Variants in LONP2 observed in about 807,000 individuals in gnomAD.
LONP2 encodes lon peptidase 2, peroxisomal.
In LONP2, 60 loss-of-function variants were observed where a neutral mutation model predicts 85.6. That is an observed-to-expected ratio of 0.70 (90% CI 0.57 to 0.87). The LOEUF (loss-of-function observed/expected upper bound fraction) is 0.87, where lower values mean the gene tolerates loss of function less well. Among genes scored for constraint, LONP2 ranks in the 40% least tolerant of loss-of-function variants. The probability of loss-of-function intolerance (pLI) is 0.00; values close to 1 mark genes in which losing one functional copy is unlikely to be tolerated. For missense variants in LONP2, 860 were observed against 1,063.5 expected, an observed-to-expected ratio of 0.81 and a Z score of 2.66; for synonymous variants, 395 against 389.7, an observed-to-expected ratio of 1.01 and a Z score of -0.16.
intron 11 of LONP2, among the ~76,000 whole-genome samples, chr16:48,307,295 G>A (rs140415274): frequency 1.1e-4 from 17 of 152,274 alleles, no homozygotes; most frequent in African/African-American, 2.4e-4. Flanking sequence ...CTGAATTGCC[G>A]TTTTCCTTTC....
intron 8 of LONP2, among the ~76,000 whole-genome samples, chr16:48,282,365 C>G (rs937540837): frequency 2.0e-5 from 3 of 147,220 alleles, no homozygotes; most frequent in African/African-American, 7.6e-5. Flanking sequence ...GAGCTGAGAT[C>G]GCACCATTGC....
At chr16:48,348,833 T>C (rs967825679) in intron 14 of LONP2, among the ~76,000 whole-genome samples, 2 of 152,108 alleles carry the variant, frequency 1.3e-5, no homozygotes, top group African/African-American at 4.8e-5. Flanking sequence ...GAAAAAAATA[T>C]TAGTGTGGTC....
Position 48,343,094 on chromosome 16 carries a change from G to A in LONP2, c.1939-4413G>A, listed in dbSNP as rs942069797. On this transcript the variant is annotated intron_variant, in intron 12 of 14. Coordinates refer to ENST00000285737, the MANE Select transcript of LONP2 (RefSeq NM_031490.5). ...TTGCCTCTTCAGAGCTCCCCACACT[G>A]GAGTATAACTGCTCCTGTGTCTGAT... Among the ~76,000 whole-genome samples, 4 of 152,280 alleles carry A rather than the reference G, an allele frequency of 2.6e-5. No individual in the cohort carries two copies. The South Asian group carries it at 8.3e-4, about 32-fold the overall frequency.
chr16:48,283,607 G>A (rs1972375932), intron 8 of LONP2, among the ~76,000 whole-genome samples: 1 of 152,124 alleles, frequency 6.6e-6, no homozygotes, highest in African/African-American at 2.4e-5. Context: ...AGTACTTTAA[G>A]CCCACTGTTG....
In LONP2 at chr16:48,261,596, T is replaced by C. The variant is rs373577842; in HGVS notation, c.887+9T>C. 1.4e-5 allele frequency: 21 copies of C among 1,541,498 alleles called. No homozygotes were observed. Among genetic ancestry groups the C allele is most frequent in the Admixed American group, 2.0e-5 (1 of 50,362 alleles). ...GTCAAAGAGATAAAGAGGTAAATTATAAAAGGCATTTGTTCATTATTGTTT... is the reference window on the plus strand; with the variant it reads ...GTCAAAGAGATAAAGAGGTAAATTACAAAAGGCATTTGTTCATTATTGTTT... On this transcript the variant is annotated intron_variant, in intron 5 of 14. Transcript: ENST00000285737.
intron 7 of LONP2, among the ~76,000 whole-genome samples, chr16:48,276,128 C>T (rs1225586272): frequency 1.3e-5 from 2 of 152,168 alleles, no homozygotes; most frequent in East Asian, 1.9e-4. Context: ...TTCTGAGTCT[C>T]GTCTTTCCTG....
chr16:48,295,452 T>A (rs1357746604), intron 8 of LONP2, among the ~76,000 whole-genome samples: 8 of 152,242 alleles, frequency 5.3e-5, no homozygotes, highest in African/African-American at 1.9e-4. Context: ...AGTGAATTTT[T>A]TGCTGTATCA....
In LONP2 at chr16:48,353,414, G is replaced by A. The variant is rs964009319; in HGVS notation, c.*1612G>A. On this transcript the variant is annotated 3_prime_UTR_variant, in exon 15 of 15. Coordinates refer to ENST00000285737, the MANE Select transcript of LONP2 (RefSeq NM_031490.5). ...CAGCTACTTGAGGCTGAGATGGGAG[G>A]ATGAGGGAGGTCGGGGCTGCAGTGA... The A allele has an allele frequency of 2.6e-5, 4 of 151,332 alleles. No individual in the cohort carries two copies. Among genetic ancestry groups the A allele is most frequent in the South Asian group, 2.1e-4 (1 of 4,764 alleles). 9.4% of individuals were successfully genotyped at this position (151,332 alleles called of 1,614,324 possible). A position where few individuals can be genotyped will look rare whatever the true frequency, so the allele number is the denominator to read the frequency against.
chr16:48,304,931 A>C (rs940297316), intron 11 of LONP2, among the ~76,000 whole-genome samples: 2 of 152,202 alleles, frequency 1.3e-5, no homozygotes, highest in African/African-American at 4.8e-5. Context: ...TGATTAAAGA[A>C]CCATAATTTA....
chr16:48,291,588 T>C (rs1567326046), intron 8 of LONP2, among the ~76,000 whole-genome samples: 1 of 152,202 alleles, frequency 6.6e-6, no homozygotes, highest in Admixed American at 6.5e-5. Context: ...GGAATTATAG[T>C]CCTAGGATTG....
At chr16:48,285,141 T>C (rs1972411515) in intron 8 of LONP2, among the ~76,000 whole-genome samples, 1 of 152,194 alleles carries the variant, frequency 6.6e-6, no homozygotes, top group African/African-American at 2.4e-5. Context: ...AATTGTTTGC[T>C]TTCAGCCCTT....
intron 8 of LONP2, among the ~76,000 whole-genome samples, chr16:48,289,213 G>C (rs1271577778): frequency 2.0e-5 from 3 of 152,186 alleles, no homozygotes; most frequent in Admixed American, 1.3e-4. Flanking sequence ...TTTGGCCAAG[G>C]TTGAGGACGC....
At chr16:48,306,664 T>TTC (rs1288183275) in intron 11 of LONP2, among the ~76,000 whole-genome samples, 2 of 152,172 alleles carry the variant, frequency 1.3e-5, no homozygotes, top group Non-Finnish European at 2.9e-5. Flanking sequence ...ATAACAGCCA[T>TTC]TCTCTAGACC....
intron 11 of LONP2, among the ~76,000 whole-genome samples, chr16:48,315,871 T>C (rs1365932678): frequency 2.6e-5 from 4 of 152,046 alleles, no homozygotes; most frequent in Non-Finnish European, 5.9e-5. Flanking sequence ...TTAGATATTT[T>C]CTGTTGCCCT....
intron 3 of LONP2, 83 bp downstream of exon 3, chr16:48,256,824 C>A: frequency 7.5e-7 from 1 of 1,334,272 alleles, no homozygotes; most frequent in Non-Finnish European, 1.0e-6. Context: ...TTTTGACCTT[C>A]AAGAAAAAGA....
At chr16:48,293,038 ATT>A (rs1235366084) in intron 8 of LONP2, among the ~76,000 whole-genome samples, 1 of 152,232 alleles carries the variant, frequency 6.6e-6, no homozygotes, top group East Asian at 1.9e-4. Flanking sequence ...GTGTCTTAAA[ATT>A]TTAAGAGAAA....
At position 48,355,345 on chromosome 16, in the gene LONP2, T is replaced by G. The variant is rs1960301770; in HGVS notation, c.*3543T>G. On this transcript the variant is annotated 3_prime_UTR_variant, in exon 15 of 15. Coordinates refer to ENST00000285737, the MANE Select transcript of LONP2 (RefSeq NM_031490.5). ...CTCAAGGGAACCAATTACCTCCTTTTTGCCCTTCGATTCCCTTCCACCATA... is the reference window on the plus strand; with the variant it reads ...CTCAAGGGAACCAATTACCTCCTTTGTGCCCTTCGATTCCCTTCCACCATA... The G allele has an allele frequency of 6.6e-6, 1 of 152,152 alleles. No individual in the cohort carries two copies. Among genetic ancestry groups the G allele is most frequent in the South Asian group, 2.1e-4 (1 of 4,820 alleles). 9.4% of individuals were successfully genotyped at this position (152,152 alleles called of 1,614,324 possible). A position where few individuals can be genotyped will look rare whatever the true frequency, so the allele number is the denominator to read the frequency against.
At chr16:48,306,931 C>T (rs1430873614) in intron 11 of LONP2, among the ~76,000 whole-genome samples, 3 of 151,870 alleles carry the variant, frequency 2.0e-5, no homozygotes, top group Non-Finnish European at 4.4e-5. Flanking sequence ...AATTCAAGCA[C>T]GAGAGACAGA....
In LONP2 at chr16:48,356,738, G is replaced by GTT. The variant is rs1567361195; in HGVS notation, c.*4937_*4938dup. On this transcript the variant is annotated 3_prime_UTR_variant, in exon 15 of 15. Coordinates refer to ENST00000285737, the MANE Select transcript of LONP2 (RefSeq NM_031490.5). ...GAGTGGTCATTGAGATGTTTTAAAA[G>GTT]TTACAGCAAAAGGACTTCTAAAACA... is the stretch of plus-strand genomic sequence containing the variant. The GTT allele has an allele frequency of 3.1e-6, 1 of 321,622 alleles. No individual in the cohort carries two copies. Among genetic ancestry groups the GTT allele is most frequent in the Non-Finnish European group, 6.3e-6 (1 of 159,442 alleles). The allele number at this position is 321,622 out of a possible 1,614,324, so 19.9% of individuals were successfully genotyped here. A position where few individuals can be genotyped will look rare whatever the true frequency, so the allele number is the denominator to read the frequency against.
Sources: gnomAD v4.1 joint callset for allele counts (sites outside exome capture counted in the v4.1 genomes callset) on GRCh38, gnomAD v4.1.1 for gene constraint, MANE v1.5 for transcripts, NCBI Gene and HGNC (gene_info 2026-07-23, HGNC 2026-07-21) for gene names.